CDH4: variants seen among roughly 807,000 people sequenced by gnomAD.
CDH4 encodes the protein cadherin-4.
CDH4 carries 33 observed loss-of-function variants against 86.0 expected under a neutral mutation model. The observed-to-expected ratio is 0.38, with a 90% CI of 0.29 to 0.51. The LOEUF is 0.51. Among genes scored for constraint, CDH4 ranks in the 20% least tolerant of loss-of-function variants. The pLI is 0.86. For synonymous variants in CDH4, 555 were observed against 549.4 expected, an observed-to-expected ratio of 1.01 and a Z score of -0.14; for missense variants, 1,114 against 1,307.4, an observed-to-expected ratio of 0.85 and a Z score of 2.28.
intron 7 of CDH4, among the ~76,000 whole-genome samples, chr20:61,889,263 C>T (rs1984677769): frequency 6.6e-6 from 1 of 152,104 alleles, no homozygotes; most frequent in Admixed American, 6.6e-5. Context: ...GGTTGTAATC[C>T]ACCTGACATA....
intron 2 of CDH4, among the ~76,000 whole-genome samples, chr20:61,386,855 G>A (rs2084954130): frequency 1.3e-5 from 2 of 152,232 alleles, no homozygotes; most frequent in Admixed American, 6.5e-5. Context: ...GGTCAAAGTT[G>A]GACCTGAAGG....
rs1437182458 is a variant in CDH4, at chr20:61,676,862, C to T, written c.170-66701C>T. ...GGTCAGGGGAGGCCTGGCTGGGTGG[C>T]CTTTGCCAGGGGAGGCCTGACTGGG... On this transcript the variant is annotated intron_variant, in intron 2 of 15. Transcript: ENST00000614565. The surrounding 1 kb of genome is among the most constrained non-coding windows in gnomAD (Gnocchi z 4.5). Among the ~76,000 whole-genome samples, 1 of 151,976 alleles carries T rather than the reference C, an allele frequency of 6.6e-6. No individual in the cohort carries two copies. The highest frequency in any genetic ancestry group is 1.5e-5 in the Non-Finnish European group (1 of 67,988).
At chr20:61,639,325 G>A (rs1412390362) in intron 2 of CDH4, among the ~76,000 whole-genome samples, 7 of 152,046 alleles carry the variant, frequency 4.6e-5, no homozygotes, top group South Asian at 2.1e-4. Context: ...CTTTGGAGGC[G>A]GGGGGCAAGC....
chr20:61,284,611 T>C (rs1344811195), intron 2 of CDH4, among the ~76,000 whole-genome samples: 1 of 152,242 alleles, frequency 6.6e-6, no homozygotes, highest in African/African-American at 2.4e-5. Flanking sequence ...ATGCCTAGCA[T>C]GTGCTTAACA....
At chr20:61,551,173 CAAT>C (rs1008977360) in intron 2 of CDH4, among the ~76,000 whole-genome samples, 96 of 152,336 alleles carry the variant, frequency 6.3e-4, no homozygotes, top group African/African-American at 2.1e-3. Flanking sequence ...CATGGGCACT[CAAT>C]AATCAGTAGC....
At chr20:61,905,362 C>T (rs778671765) in intron 8 of CDH4, among the ~76,000 whole-genome samples, 4 of 152,230 alleles carry the variant, frequency 2.6e-5, no homozygotes, top group African/African-American at 4.8e-5. Flanking sequence ...AGGGAATGGA[C>T]GCAGAGAGCG....
At chr20:61,788,940 C>A (rs1457899355) in intron 4 of CDH4, among the ~76,000 whole-genome samples, 1 of 152,236 alleles carries the variant, frequency 6.6e-6, no homozygotes, top group Non-Finnish European at 1.5e-5. Flanking sequence ...CCTAGTGGTG[C>A]TGAAACAGTC....
intron 4 of CDH4, among the ~76,000 whole-genome samples, chr20:61,809,867 G>A (rs551894430): frequency 2.0e-5 from 3 of 152,328 alleles, no homozygotes; most frequent in South Asian, 4.1e-4. Context: ...ACAGCGGGGG[G>A]TGGGGGTCAC....
chr20:61,482,487 C>A (rs6121627), intron 2 of CDH4, among the ~76,000 whole-genome samples: 1,527 of 152,224 alleles, frequency 0.01, 31 homozygotes, highest in African/African-American at 0.036. Flanking sequence ...TGAGCGGAGG[C>A]CTGGACGCGC....
chr20:61,929,185 G>A (rs1249699521), intron 12 of CDH4, among the ~76,000 whole-genome samples: 1 of 149,588 alleles, frequency 6.7e-6, no homozygotes. Context: ...CTGTTGCCCA[G>A]GCAGAAGTGC....
At position 61,670,194 on chromosome 20, in the gene CDH4, C is replaced by G. The variant is rs184236254; in HGVS notation, c.170-73369C>G. 8.5e-5 allele frequency among the ~76,000 whole-genome samples: 13 copies of G among 152,338 alleles called. No homozygotes were observed. The East Asian group carries it at 2.5e-3, about 29-fold the overall frequency. ...TTTCAGGAATGGCTAGACTCAGGTGCTCTGCAACACCACCAACAAGCTCTC... is the reference window on the plus strand; with the variant it reads ...TTTCAGGAATGGCTAGACTCAGGTGGTCTGCAACACCACCAACAAGCTCTC... On this transcript the variant is annotated intron_variant, in intron 2 of 15. Coordinates refer to ENST00000614565, the MANE Select transcript of CDH4 (RefSeq NM_001794.5).
intron 2 of CDH4, among the ~76,000 whole-genome samples, chr20:61,287,821 A>G (rs556617660): frequency 5.3e-5 from 8 of 152,280 alleles, no homozygotes; most frequent in Non-Finnish European, 1.0e-4. Context: ...TGGGAATAAG[A>G]GGCGTGCAGG....
At chr20:61,328,288 G>A (rs1218120050) in intron 2 of CDH4, among the ~76,000 whole-genome samples, 1 of 152,108 alleles carries the variant, frequency 6.6e-6, no homozygotes, top group Admixed American at 6.5e-5. Flanking sequence ...CGATTCTCCT[G>A]CCTCAGCCTC....
intron 2 of CDH4, among the ~76,000 whole-genome samples, chr20:61,531,534 G>A (rs1482720873): frequency 6.6e-6 from 1 of 151,992 alleles, no homozygotes; most frequent in East Asian, 1.9e-4. Context: ...TTGTTATAAG[G>A]TGGAATGAAT....
chr20:61,374,454 G>A (rs2084855894), intron 2 of CDH4, among the ~76,000 whole-genome samples: 1 of 152,192 alleles, frequency 6.6e-6, no homozygotes. Context: ...CAGACTGCCC[G>A]ATCTCGGGTC....
At chr20:61,678,886 T>A (rs2087475577) in intron 2 of CDH4, among the ~76,000 whole-genome samples, 1 of 152,242 alleles carries the variant, frequency 6.6e-6, no homozygotes, top group South Asian at 2.1e-4. Context: ...TGCCTCTAAT[T>A]ACACTGGCAG....
At chr20:61,457,902 G>A (rs1250852746) in intron 2 of CDH4, among the ~76,000 whole-genome samples, 1 of 150,632 alleles carries the variant, frequency 6.6e-6, no homozygotes, top group Admixed American at 6.6e-5. Flanking sequence ...GGTGGTGATG[G>A]TCATGGTCAT....
At chr20:61,765,998 G>A (rs895847133) in intron 3 of CDH4, among the ~76,000 whole-genome samples, 1 of 152,056 alleles carries the variant, frequency 6.6e-6, no homozygotes, top group African/African-American at 2.4e-5. Flanking sequence ...GCTCCCAGGA[G>A]GAAAGTATGG....
At chr20:61,335,246 A>G (rs1332975555) in intron 2 of CDH4, among the ~76,000 whole-genome samples, 1 of 152,254 alleles carries the variant, frequency 6.6e-6, no homozygotes, top group Admixed American at 6.5e-5. Context: ...GTTCAACATA[A>G]CAGGTAAAGC....
Sources: gnomAD v4.1 joint callset for allele counts (sites outside exome capture counted in the v4.1 genomes callset) on GRCh38, gnomAD v4.1.1 for gene constraint, Gnocchi (gnomAD v3.1) non-coding constraint, MANE v1.5 for transcripts, NCBI Gene and HGNC (gene_info 2026-07-23, HGNC 2026-07-21) for gene names.